The following DLD variants were observed in gnomAD, a reference collection of about 807,000 sequenced individuals.
DLD encodes dihydrolipoamide dehydrogenase.
DLD carries 36 observed loss-of-function variants against 62.2 expected under a neutral mutation model. That is an observed-to-expected ratio of 0.58 (90% CI 0.44 to 0.76). DLD has a LOEUF of 0.76. Ranked by LOEUF, DLD falls within the 30% of genes least tolerant of loss-of-function variation. The probability of loss-of-function intolerance (pLI) is 0.00; values close to 1 mark genes in which losing one functional copy is unlikely to be tolerated. For missense variants in DLD, 541 were observed against 608.6 expected (o/e 0.89, Z 1.17); for synonymous variants, 204 against 199.6 (o/e 1.02, Z -0.19).
chr7:107,904,044 T>G (rs888704608), intron 5 of DLD, among the ~76,000 whole-genome samples: 1 of 152,210 alleles, frequency 6.6e-6, no homozygotes, highest in Non-Finnish European at 1.5e-5. Flanking sequence ...TGTTTTAATC[T>G]TTTGTCTCCA....
At chr7:107,892,630 C>T (rs1381409136) in intron 1 of DLD, among the ~76,000 whole-genome samples, 2 of 152,152 alleles carry the variant, frequency 1.3e-5, no homozygotes, top group South Asian at 2.1e-4. Context: ...ACTGCAACTT[C>T]CGCCTCCCGG....
In DLD at chr7:107,902,408, T is replaced by C; in HGVS notation, c.267+15T>C. On this transcript the variant is annotated intron_variant, in intron 4 of 13. Transcript: ENST00000205402. Reference sequence around the variant, plus strand: ...TTCCTTCTAAGGTGAGCATGTGTTTTGTACAGCACAGAGATTGTTTTTGGC... The same window carrying C: ...TTCCTTCTAAGGTGAGCATGTGTTTCGTACAGCACAGAGATTGTTTTTGGC... 6.2e-7 allele frequency: 1 copy of C among 1,612,484 alleles called. No individual in the cohort carries two copies. Among genetic ancestry groups the C allele is most frequent in the South Asian group, 1.1e-5 (1 of 91,048 alleles).
Position 107,916,918 on chromosome 7 carries a change from A to T in DLD, c.1000A>T (p.Arg334Ter). 6.2e-7 allele frequency: 1 copy of T among 1,613,938 alleles called. No homozygotes were observed. The highest frequency in any genetic ancestry group is 8.5e-7 in the Non-Finnish European group (1 of 1,179,974). ...AGAGCTGGGAATTGAACTAGATCCC[A>T]GAGGTAGAATTCCAGTCAATACCAG... ...LEELGIELDP[R>*]GRIPVNTRFQ... The change falls in exon 10 of 14, where the codon AGA (arginine) becomes TGA (stop). Residue 334 changes from arginine (R) to a stop codon, truncating the protein, a stop_gained. Transcript: ENST00000205402. LOFTEE classifies it high-confidence loss of function.
At chr7:107,892,284 G>A (rs957629765) in intron 1 of DLD, among the ~76,000 whole-genome samples, 20 of 152,116 alleles carry the variant, frequency 1.3e-4, no homozygotes, top group African/African-American at 4.6e-4. Flanking sequence ...TAGAGATTAG[G>A]GAGATTATGA....
At chr7:107,891,401 C>A (rs2031568773) in intron 1 of DLD, 112 bp downstream of exon 1, 1 of 1,210,066 alleles carries the variant, frequency 8.3e-7, no homozygotes, top group South Asian at 1.3e-5. Flanking sequence ...GCGCCTGGGC[C>A]GCACCACCCC....
rs1387412561 is a variant in DLD at position 107,892,274 on chromosome 7, T to C, written c.40-926T>C. Among the ~76,000 whole-genome samples, 6 of 152,172 alleles carry C rather than the reference T, an allele frequency of 3.9e-5. No individual in the cohort carries two copies. In the South Asian group the frequency reaches 6.2e-4, roughly 16 times the overall value. On this transcript the variant is annotated intron_variant, in intron 1 of 13. Transcript: ENST00000205402. ...TTAGGAAATGGTAGCCGTCCACATA[T>C]AGAGATTAGGGAGATTATGATGCAA...
rs180820610 is a variant in DLD, at chr7:107,895,023, T to C, written c.118+1745T>C. Among the ~76,000 whole-genome samples, 3 of 152,288 alleles carry C rather than the reference T, an allele frequency of 2.0e-5. No homozygotes were observed. In the East Asian group the frequency reaches 5.8e-4, roughly 29 times the overall value. On this transcript the variant is annotated intron_variant, in intron 2 of 13. Coordinates refer to ENST00000205402, the MANE Select transcript of DLD (RefSeq NM_000108.5). Reference sequence around the variant, plus strand: ...TGAATGAACACTGGGGCCTGGTCTGTTTTAATTACTGCTCTGTGGCAAAGC... The same window carrying C: ...TGAATGAACACTGGGGCCTGGTCTGCTTTAATTACTGCTCTGTGGCAAAGC...
Position 107,916,870 on chromosome 7 carries a change from T to G in DLD, c.952T>G (p.Phe318Val), listed in dbSNP as rs771245503. 1 of 1,613,408 alleles carries G rather than the reference T, an allele frequency of 6.2e-7. No homozygotes were observed. The highest frequency in any genetic ancestry group is 8.5e-7 in the Non-Finnish European group (1 of 1,179,920). The change falls in exon 10 of 14, where the codon TTT becomes GTT. Residue 318 changes from phenylalanine to valine, a missense_variant. Transcript: ENST00000205402. ...VLLVCIGRRP[F>V]TKNLGLEELG... ...CTTGGTTTGCATTGGCCGACGACCCTTTACTAAGAATTTGGGACTAGAAGA... is the reference window on the plus strand; with the variant it reads ...CTTGGTTTGCATTGGCCGACGACCCGTTACTAAGAATTTGGGACTAGAAGA...
chr7:107,907,768 G>C (rs759306631), intron 8 of DLD, among the ~76,000 whole-genome samples: 1 of 152,148 alleles, frequency 6.6e-6, no homozygotes, highest in Admixed American at 6.5e-5. Context: ...ACACAGGTTT[G>C]TGTGCACATA....
chr7:107,918,902 A>C (rs2032337785), intron 12 of DLD, 108 bp from the exon 13 acceptor site: 3 of 898,234 alleles, frequency 3.3e-6, no homozygotes, highest in Non-Finnish European at 3.7e-6. Flanking sequence ...ATAAAGAAAC[A>C]GATTTAAGGC....
intron 2 of DLD, among the ~76,000 whole-genome samples, chr7:107,899,244 TAAAG>T (rs952342587): frequency 2.6e-5 from 4 of 151,500 alleles, no homozygotes; most frequent in Non-Finnish European, 5.9e-5. Context: ...GATCTTTACA[TAAAG>T]AGTCTGCTTT....
chr7:107,915,824 C>T, intron 9 of DLD, 128 bp downstream of exon 9: 4 of 747,368 alleles, frequency 5.4e-6, no homozygotes, highest in South Asian at 1.7e-5. Flanking sequence ...CTTAATATAA[C>T]TCAGTTGCTT....
At chr7:107,907,969 AT>A (rs2032047884) in intron 8 of DLD, among the ~76,000 whole-genome samples, 1 of 152,144 alleles carries the variant, frequency 6.6e-6, no homozygotes, top group Admixed American at 6.5e-5. Context: ...TGTTGGACTA[AT>A]TTCTTCACTG....
Position 107,906,311 on chromosome 7 carries a change from A to G in DLD, c.627A>G (p.Leu209=). ...TIVSSTGALS[L]KKVPEKMVVI... ...TGTCATCTACAGGTGCTTTATCTTT[A>G]AAAAAAGTTCCAGAAAAGATGGTTG... is the stretch of plus-strand genomic sequence containing the variant. The change falls in exon 8 of 14, where the codon TTA becomes TTG. Residue 209 remains leucine (L), a synonymous_variant. Coordinates refer to ENST00000205402, the MANE Select transcript of DLD (RefSeq NM_000108.5). The G allele has an allele frequency of 1.2e-6, 2 of 1,608,582 alleles. No individual in the cohort carries two copies. Among genetic ancestry groups the G allele is most frequent in the East Asian group, 4.5e-5 (2 of 44,778 alleles).
intron 1 of DLD, chr7:107,891,741 G>C: frequency 4.4e-6 from 1 of 227,118 alleles, no homozygotes; most frequent in East Asian, 1.3e-4. Flanking sequence ...TTCTTGAATG[G>C]TTTAGATCCA....
At chr7:107,902,931 CT>C (rs59612728) in intron 4 of DLD, among the ~76,000 whole-genome samples, 4 of 151,622 alleles carry the variant, frequency 2.6e-5, no homozygotes, top group Admixed American at 6.6e-5. Context: ...AATGCCATGT[CT>C]TTTTTTTAAC....
chr7:107,905,108 C>T (rs543706045), intron 6 of DLD, 50 bp downstream of exon 6: 1 of 1,328,826 alleles, frequency 7.5e-7, no homozygotes, highest in Non-Finnish European at 1.1e-6. Context: ...ACAAATTAAA[C>T]TTTGCATTAT....
chr7:107,911,036 A>G (rs901326315), intron 8 of DLD, among the ~76,000 whole-genome samples: 12 of 152,180 alleles, frequency 7.9e-5, no homozygotes, highest in Non-Finnish European at 1.5e-5. Flanking sequence ...TTTAAAATGT[A>G]CAATTCAAAG....
At chr7:107,903,378 C>CA in intron 4 of DLD, 100 bp from the exon 5 acceptor site, 1 of 819,326 alleles carries the variant, frequency 1.2e-6, no homozygotes, top group Non-Finnish European at 2.0e-6. Flanking sequence ...AACTCCGTCT[C>CA]AAAAAATGAA....
Sources: allele counts gnomAD v4.1 joint callset (sites outside exome capture counted in the v4.1 genomes callset), GRCh38; gene constraint gnomAD v4.1.1; transcripts MANE v1.5; gene names NCBI Gene and HGNC (gene_info 2026-07-23, HGNC 2026-07-21).